XYLT1: variants seen among roughly 807,000 people sequenced by gnomAD.
XYLT1 encodes the protein beta-D-xylosyltransferase 1.
XYLT1 carries 36 observed loss-of-function variants against 91.3 expected under a neutral mutation model. That is an observed-to-expected ratio of 0.39 (90% CI 0.30 to 0.52). The LOEUF (loss-of-function observed/expected upper bound fraction) is 0.52, where lower values mean the gene tolerates loss of function less well. XYLT1 is among the 20% of genes least tolerant of loss of function. The probability of loss-of-function intolerance (pLI) is 0.68; values close to 1 mark genes in which losing one functional copy is unlikely to be tolerated. For synonymous variants in XYLT1, 588 were observed against 532.0 expected, an observed-to-expected ratio of 1.11 and a Z score of -1.45; for missense variants, 1,242 against 1,284.5, an observed-to-expected ratio of 0.97 and a Z score of 0.51.
chr16:17,280,050 A>T (rs2034034014), intron 2 of XYLT1, among the ~76,000 whole-genome samples: 1 of 152,090 alleles, frequency 6.6e-6, no homozygotes, highest in Non-Finnish European at 1.5e-5. Flanking sequence ...ATGGTCAGGG[A>T]TATCTAAAAA....
intron 7 of XYLT1, 103 bp downstream of exon 7, chr16:17,141,050 T>G: frequency 8.9e-7 from 1 of 1,128,260 alleles, no homozygotes; most frequent in Non-Finnish European, 1.3e-6. Flanking sequence ...GAGGACAATG[T>G]AGGTGGACCC....
chr16:17,248,852 A>G (rs893370720), intron 3 of XYLT1, among the ~76,000 whole-genome samples: 9 of 151,600 alleles, frequency 5.9e-5, no homozygotes, highest in African/African-American at 2.2e-4. Flanking sequence ...GGCTAAAGCA[A>G]TTCTCATGCC....
At chr16:17,225,263 C>A (rs988697938) in intron 3 of XYLT1, among the ~76,000 whole-genome samples, 2 of 152,100 alleles carry the variant, frequency 1.3e-5, no homozygotes, top group Non-Finnish European at 2.9e-5. Context: ...GATCTTTAAT[C>A]CCAGTCTCCA....
At chr16:17,171,226 A>T (rs2031813211) in intron 5 of XYLT1, among the ~76,000 whole-genome samples, 1 of 152,184 alleles carries the variant, frequency 6.6e-6, no homozygotes, top group South Asian at 2.1e-4. Flanking sequence ...GCACTGTGCC[A>T]GGAGTAGGAT....
intron 1 of XYLT1, 149 bp from the exon 2 acceptor site, chr16:17,358,199 A>G: frequency 1.2e-5 from 9 of 775,990 alleles, no homozygotes; most frequent in South Asian, 1.9e-5. Context: ...GCATGATCAT[A>G]GCTCACTCAC....
chr16:17,342,582 C>T (rs1248994270), intron 2 of XYLT1, among the ~76,000 whole-genome samples: 1 of 152,032 alleles, frequency 6.6e-6, no homozygotes, highest in Non-Finnish European at 1.5e-5. Flanking sequence ...ATTAGTTGGG[C>T]GAGGTGGCGC....
At chr16:17,209,758 G>C (rs1005351061) in intron 3 of XYLT1, among the ~76,000 whole-genome samples, 1 of 152,204 alleles carries the variant, frequency 6.6e-6, no homozygotes, top group Non-Finnish European at 1.5e-5. Flanking sequence ...AAGCCATACA[G>C]CCTGATTGTG....
chr16:17,248,881 G>C (rs1020401099), intron 3 of XYLT1, among the ~76,000 whole-genome samples: 1 of 151,182 alleles, frequency 6.6e-6, no homozygotes, highest in African/African-American at 2.4e-5. Flanking sequence ...CTGAGTAGCT[G>C]GCACCCAGGT....
At chr16:17,211,671 C>T (rs527721709) in intron 3 of XYLT1, among the ~76,000 whole-genome samples, 10 of 152,268 alleles carry the variant, frequency 6.6e-5, no homozygotes, top group Admixed American at 2.6e-4. Flanking sequence ...AATTAGGATA[C>T]GCACTGTTCT....
intron 5 of XYLT1, among the ~76,000 whole-genome samples, chr16:17,177,758 C>T (rs999597525): frequency 1.3e-5 from 2 of 152,152 alleles, no homozygotes; most frequent in Non-Finnish European, 2.9e-5. Flanking sequence ...GGCAGTGAGT[C>T]AGTAGAAAAC....
Position 17,158,858 on chromosome 16 carries a change from G to C in XYLT1, c.1341C>G (p.Phe447Leu), listed in dbSNP as rs759784094. The change falls in exon 6 of 12, where the codon TTC becomes TTG. Residue 447 changes from phenylalanine to leucine, a missense_variant. Physicochemically the swap from Phe to Leu is conservative, Grantham distance 22. Around this residue, in one of 3 missense-constraint regions of XYLT1, gnomAD observed 294 missense variants for 376.0 expected, o/e 0.78. Transcript: ENST00000261381. ...AFLSRYRDMN[F>L]LKSHGRDNAR... Reference sequence around the variant, plus strand: ...CATTGTCCCGGCCGTGTGACTTCAAGAAATTCATATCTCGGTATCGGGAGA... The same window carrying C: ...CATTGTCCCGGCCGTGTGACTTCAACAAATTCATATCTCGGTATCGGGAGA... 2 of 1,614,082 alleles carry C rather than the reference G, an allele frequency of 1.2e-6. 1 individual carries two copies. Among genetic ancestry groups the C allele is most frequent in the South Asian group, 2.2e-5 (2 of 91,060 alleles).
At chr16:17,221,944 C>T (rs1271614602) in intron 3 of XYLT1, among the ~76,000 whole-genome samples, 5 of 152,138 alleles carry the variant, frequency 3.3e-5, no homozygotes, top group Admixed American at 6.5e-5. Context: ...CCTACAGGGC[C>T]GTCCTCCAAG....
At chr16:17,164,067 A>AAAAAAAAAAAAAAAAC (rs2031621884) in intron 5 of XYLT1, among the ~76,000 whole-genome samples, 1 of 146,342 alleles carries the variant, frequency 6.8e-6, no homozygotes, top group Non-Finnish European at 1.5e-5. Flanking sequence ...AAAAAAAAAA[A>AAAAAAAAAAAAAAAAC]AAGAAAGACT....
At chr16:17,416,456 A>T (rs1459210089) in intron 1 of XYLT1, among the ~76,000 whole-genome samples, 3 of 152,168 alleles carry the variant, frequency 2.0e-5, no homozygotes, top group Admixed American at 2.0e-4. Context: ...GGTTCCTCAC[A>T]CGGGGCCTGA....
intron 6 of XYLT1, among the ~76,000 whole-genome samples, chr16:17,143,015 T>C (rs1440579917): frequency 6.6e-6 from 1 of 152,150 alleles, no homozygotes; most frequent in Non-Finnish European, 1.5e-5. Context: ...AGTAACTATA[T>C]ACATATAATC....
At chr16:17,277,572 T>G (rs1170225356) in intron 2 of XYLT1, among the ~76,000 whole-genome samples, 5 of 152,110 alleles carry the variant, frequency 3.3e-5, no homozygotes, top group African/African-American at 1.2e-4. Context: ...GTATATTTAG[T>G]AGAGACGGGG....
intron 8 of XYLT1, among the ~76,000 whole-genome samples, chr16:17,136,842 C>CCCAGGATG (rs1192786398): frequency 1.3e-5 from 2 of 152,052 alleles, no homozygotes; most frequent in African/African-American, 2.4e-5. Flanking sequence ...CTACAATGTC[C>CCCAGGATG]CCAGGATGCC....
intron 1 of XYLT1, among the ~76,000 whole-genome samples, chr16:17,380,219 C>T (rs1159356539): frequency 6.6e-6 from 1 of 152,106 alleles, no homozygotes; most frequent in Admixed American, 6.5e-5. Context: ...ACCCAGGAGG[C>T]GGAGGTTGCA....
intron 1 of XYLT1, among the ~76,000 whole-genome samples, chr16:17,388,589 G>A (rs796660095): frequency 7.9e-5 from 12 of 152,152 alleles, no homozygotes; most frequent in African/African-American, 2.7e-4. Context: ...AAACTAATCC[G>A]GATTAAGTAA....
Sources: allele counts gnomAD v4.1 joint callset (sites outside exome capture counted in the v4.1 genomes callset), GRCh38; gene constraint gnomAD v4.1.1; regional missense constraint gnomAD v4.1.1; transcripts MANE v1.5; gene names NCBI Gene and HGNC (gene_info 2026-07-23, HGNC 2026-07-21).